Variants in STAB2 observed in about 807,000 individuals in gnomAD.
STAB2 encodes stabilin 2, also known as stabilin-2.
In STAB2, 288 loss-of-function variants were observed where a neutral mutation model predicts 338.1. The ratio of observed to expected loss-of-function variants is 0.85; its 90% CI spans 0.77 to 0.94. STAB2 has a LOEUF of 0.94. Ranked by LOEUF, STAB2 falls within the 40% of genes least tolerant of loss-of-function variation. The pLI is 0.00. For synonymous variants in STAB2, 1,202 were observed against 1,193.3 expected (o/e 1.01, Z -0.15); for missense variants, 3,141 against 3,210.1 (o/e 0.98, Z 0.52).
chr12:103,692,622 C>T (rs1054902455), intron 30 of STAB2, among the ~76,000 whole-genome samples, 190 bp from the exon 31 acceptor site: 17 of 132,034 alleles, frequency 1.3e-4, no homozygotes, highest in African/African-American at 2.8e-4. Flanking sequence ...TGCGTGTGCA[C>T]GTGCACGTGT....
At chr12:103,714,414 C>T (rs1214011848) in intron 42 of STAB2, among the ~76,000 whole-genome samples, 1 of 152,182 alleles carries the variant, frequency 6.6e-6, no homozygotes, top group Non-Finnish European at 1.5e-5. Context: ...TAACATTTAG[C>T]CCTGGCTGGG....
At chr12:103,668,548 T>C (rs994325517) in intron 19 of STAB2, 95 bp from the exon 20 acceptor site, 4 of 1,132,804 alleles carry the variant, frequency 3.5e-6, no homozygotes, top group Admixed American at 2.0e-5. Flanking sequence ...AGTGGTGAAA[T>C]GGAAGTACAA....
intron 38 of STAB2, among the ~76,000 whole-genome samples, chr12:103,707,937 A>G (rs1879511953): frequency 6.6e-6 from 1 of 152,216 alleles, no homozygotes; most frequent in Non-Finnish European, 1.5e-5. Context: ...GATGGGATTC[A>G]GCAAACCGCT....
At chr12:103,718,539 G>A (rs895048504) in intron 44 of STAB2, among the ~76,000 whole-genome samples, 2 of 152,146 alleles carry the variant, frequency 1.3e-5, no homozygotes, top group African/African-American at 4.8e-5. Flanking sequence ...TAGGGTGGAG[G>A]CTGCCACCAA....
chr12:103,593,316 T>A (rs1423109507), intron 2 of STAB2, among the ~76,000 whole-genome samples: 1 of 152,212 alleles, frequency 6.6e-6, no homozygotes, highest in Non-Finnish European at 1.5e-5. Flanking sequence ...CTCCACATCC[T>A]TGCCAATACT....
At chr12:103,690,028 G>A (rs1256638193) in intron 29 of STAB2, 46 bp downstream of exon 29, 2 of 1,582,310 alleles carry the variant, frequency 1.3e-6, no homozygotes, top group Non-Finnish European at 8.6e-7. Context: ...AATGGCATCT[G>A]TGTAAACATG....
At chr12:103,595,527 T>G (rs1956862349) in intron 3 of STAB2, among the ~76,000 whole-genome samples, 1 of 152,200 alleles carries the variant, frequency 6.6e-6, no homozygotes, top group Admixed American at 6.5e-5. Context: ...GAATCCATAC[T>G]GTATGTATAA....
At chr12:103,650,895 T>C (rs1007283708) in intron 11 of STAB2, among the ~76,000 whole-genome samples, 1 of 152,192 alleles carries the variant, frequency 6.6e-6, no homozygotes, top group African/African-American at 2.4e-5. Flanking sequence ...TGAGTGTTCT[T>C]AACATATATC....
At chr12:103,660,529 C>A in intron 16 of STAB2, 145 bp downstream of exon 16, 1 of 1,251,688 alleles carries the variant, frequency 8.0e-7, no homozygotes, top group Non-Finnish European at 1.2e-6. Context: ...AGTCCATTAT[C>A]AGAGCGATCT....
At chr12:103,600,008 T>C (rs564373553) in intron 3 of STAB2, among the ~76,000 whole-genome samples, 1 of 152,256 alleles carries the variant, frequency 6.6e-6, no homozygotes, top group Non-Finnish European at 1.5e-5. Context: ...TTAACGACCA[T>C]GTAATCTTGG....
Position 103,668,667 on chromosome 12 carries a change from T to TA in STAB2, c.2111dup (p.Tyr704Ter). The change falls in exon 20 of 69, where the codon TAC (tyrosine) becomes TAAC (stop). Residue 704 changes from tyrosine to a stop codon, truncating the protein, a stop_gained and frameshift_variant. Transcript: ENST00000388887. LOFTEE classifies it high-confidence loss of function. ...GGCACTCTTCACACACAGATGTGTC[T>TA]ACAGTGGCAGGTTTGGGAGCCTGAA... ...PTALFTHRCV[Y>*]SGRFGSLKSG... 1 of 1,552,094 alleles carries TA rather than the reference T, an allele frequency of 6.4e-7. No individual in the cohort carries two copies. Among genetic ancestry groups the TA allele is most frequent in the Non-Finnish European group, 8.7e-7 (1 of 1,147,190 alleles).
chr12:103,661,222 A>G (rs1874584590), intron 17 of STAB2, among the ~76,000 whole-genome samples: 1 of 147,704 alleles, frequency 6.8e-6, no homozygotes, highest in South Asian at 2.2e-4. Context: ...CCAGACAAAA[A>G]AAAAAAAAAA....
Position 103,742,402 on chromosome 12 carries a change from C to G in STAB2, c.5882-3C>G. 1.2e-6 allele frequency: 2 copies of G among 1,613,930 alleles called. No homozygotes were observed. Among genetic ancestry groups the G allele is most frequent in the Non-Finnish European group, 1.7e-6 (2 of 1,179,896 alleles). ...TGAGTCACTGCTGTTTCATCTCTTC[C>G]AGCCTGCCCTGGAGGACCAGATGCC... On this transcript the variant is annotated splice_polypyrimidine_tract_variant and splice_region_variant and intron_variant, in intron 55 of 68. Transcript: ENST00000388887.
chr12:103,730,094 T>G (rs780968818), intron 48 of STAB2, 22 bp from the exon 49 acceptor site: 1 of 1,560,482 alleles, frequency 6.4e-7, no homozygotes. Flanking sequence ...CTCATTTCTT[T>G]TTTGTTTTTG....
chr12:103,698,992 G>C, intron 33 of STAB2, 104 bp from the exon 34 acceptor site: 1 of 1,390,596 alleles, frequency 7.2e-7, no homozygotes, highest in East Asian at 2.4e-5. Flanking sequence ...ACTTGGACAA[G>C]CTGTTGTTCC....
intron 15 of STAB2, among the ~76,000 whole-genome samples, chr12:103,659,627 T>G (rs920830855): frequency 5.9e-5 from 9 of 152,188 alleles, no homozygotes; most frequent in Admixed American, 5.2e-4. Flanking sequence ...AAGAGTGTGG[T>G]CCCTGTGTTC....
At chr12:103,646,353 C>T (rs1016073282) in intron 9 of STAB2, among the ~76,000 whole-genome samples, 5 of 152,222 alleles carry the variant, frequency 3.3e-5, no homozygotes, top group Admixed American at 6.5e-5. Context: ...TATCTCTCTA[C>T]GGGCTGTCCT....
At chr12:103,748,852 G>A in intron 58 of STAB2, 111 bp from the exon 59 acceptor site, 1 of 1,122,698 alleles carries the variant, frequency 8.9e-7, no homozygotes, top group Non-Finnish European at 1.3e-6. Context: ...AACACGCAGG[G>A]GCCCATTTAC....
intron 3 of STAB2, among the ~76,000 whole-genome samples, chr12:103,601,968 A>T (rs1956960402): frequency 6.6e-6 from 1 of 152,196 alleles, no homozygotes; most frequent in African/African-American, 2.4e-5. Flanking sequence ...TAGATTTTTT[A>T]AAATTTATTA....
Sources: allele counts gnomAD v4.1 joint callset (sites outside exome capture counted in the v4.1 genomes callset), GRCh38; gene constraint gnomAD v4.1.1; transcripts MANE v1.5; gene names NCBI Gene and HGNC (gene_info 2026-07-23, HGNC 2026-07-21).